The following E2F3 variants were observed in gnomAD, a reference collection of about 807,000 sequenced individuals.
E2F3 encodes the protein transcription factor E2F3.
A neutral mutation model predicts 44.4 loss-of-function variants in E2F3; 11 were observed. That is an observed-to-expected ratio of 0.25 (90% CI 0.16 to 0.41). The LOEUF is 0.41. Ranked by LOEUF, E2F3 falls within the 10% of genes least tolerant of loss-of-function variation. The pLI is 1.00. For synonymous variants in E2F3, 249 were observed against 253.0 expected, an observed-to-expected ratio of 0.98 and a Z score of 0.15; for missense variants, 487 against 583.6, an observed-to-expected ratio of 0.83 and a Z score of 1.70.
At chr6:20,408,500 T>C (rs1232653903) in intron 1 of E2F3, among the ~76,000 whole-genome samples, 1 of 152,252 alleles carries the variant, frequency 6.6e-6, no homozygotes, top group Non-Finnish European at 1.5e-5. Context: ...GTCAGTCTTA[T>C]GGCCACCATA....
chr6:20,463,375 C>A (rs570374302), intron 1 of E2F3, among the ~76,000 whole-genome samples: 1 of 152,088 alleles, frequency 6.6e-6, no homozygotes, highest in Non-Finnish European at 1.5e-5. Context: ...ATAGTGAAGT[C>A]CCCTATCTGT....
At chr6:20,463,611 T>C (rs1761600149) in intron 1 of E2F3, among the ~76,000 whole-genome samples, 1 of 152,190 alleles carries the variant, frequency 6.6e-6, no homozygotes. Context: ...AGGTTTTCGC[T>C]GGGTATGTCT....
intron 1 of E2F3, among the ~76,000 whole-genome samples, chr6:20,426,715 T>C: frequency 6.6e-6 from 1 of 152,236 alleles, no homozygotes; most frequent in South Asian, 2.1e-4. Context: ...CTTTCCCTCA[T>C]GCCCAGGGCT....
At chr6:20,449,969 C>T (rs1581614653) in intron 1 of E2F3, among the ~76,000 whole-genome samples, 1 of 152,158 alleles carries the variant, frequency 6.6e-6, no homozygotes, top group South Asian at 2.1e-4. Flanking sequence ...TTTATGGCTG[C>T]ATAGTATTCC....
intron 1 of E2F3, among the ~76,000 whole-genome samples, chr6:20,432,058 G>A (rs1167743054): frequency 6.6e-6 from 1 of 152,188 alleles, no homozygotes; most frequent in African/African-American, 2.4e-5. Context: ...CTCTTTAAAG[G>A]TTCATTCTCC....
chr6:20,440,649 T>G (rs1713112704), intron 1 of E2F3, among the ~76,000 whole-genome samples: 1 of 152,194 alleles, frequency 6.6e-6, no homozygotes, highest in Non-Finnish European at 1.5e-5. Flanking sequence ...TCCATAATGA[T>G]CTGAAGTGTT....
At chr6:20,466,122 C>A (rs563714920) in intron 1 of E2F3, among the ~76,000 whole-genome samples, 1 of 40,232 alleles carries the variant, frequency 2.5e-5, no homozygotes, top group Non-Finnish European at 5.1e-5. Flanking sequence ...GGGTGCGGGG[C>A]GGGGGGTGTG....
At chr6:20,449,352 A>C (rs1032944862) in intron 1 of E2F3, among the ~76,000 whole-genome samples, 2 of 152,110 alleles carry the variant, frequency 1.3e-5, no homozygotes, top group Non-Finnish European at 2.9e-5. Context: ...CAAATCTTTA[A>C]ATTTTTAAAT....
In E2F3 at chr6:20,401,991, C is replaced by T. The variant is rs998832509; in HGVS notation, c.-242C>T. On this transcript the variant is annotated 5_prime_UTR_variant, in exon 1 of 7. Coordinates refer to ENST00000346618, the MANE Select transcript of E2F3 (RefSeq NM_001949.5). ...CATCGGCCGCCCCCGACGCCTCCATCCCCGCTTGGGGCCCGATATCCGTGC... is the reference window on the plus strand; with the variant it reads ...CATCGGCCGCCCCCGACGCCTCCATTCCCGCTTGGGGCCCGATATCCGTGC... 1.0e-5 allele frequency: 6 copies of T among 589,940 alleles called. No homozygotes were observed. The highest frequency in any genetic ancestry group is 4.3e-5 in the Admixed American group (1 of 23,326). The allele number at this position is 589,940 out of a possible 1,614,324, so 36.5% of individuals were successfully genotyped here.
rs149773947 is a variant in E2F3, at chr6:20,492,774, G to C, written c.*2344G>C. On this transcript the variant is annotated 3_prime_UTR_variant, in exon 7 of 7. Coordinates refer to ENST00000346618, the MANE Select transcript of E2F3 (RefSeq NM_001949.5). ...TTTCCAGTTACTGGGTTTAACTGGT[G>C]TACATTAATTAGATGTCCATACTGT... is the stretch of plus-strand genomic sequence containing the variant. The C allele has an allele frequency of 4.8e-5, 11 of 229,648 alleles. No individual in the cohort carries two copies. Among genetic ancestry groups the C allele is most frequent in the Non-Finnish European group, 7.8e-5 (9 of 115,700 alleles). 14.2% of individuals were successfully genotyped at this position (229,648 alleles called of 1,614,324 possible).
chr6:20,429,331 T>G (rs2127592594), intron 1 of E2F3, among the ~76,000 whole-genome samples: 1 of 152,304 alleles, frequency 6.6e-6, no homozygotes, highest in East Asian at 1.9e-4. Context: ...CATGAAAAAT[T>G]CCAGAAATAA....
chr6:20,417,184 C>T (rs563863438), intron 1 of E2F3, among the ~76,000 whole-genome samples: 28 of 152,260 alleles, frequency 1.8e-4, no homozygotes, highest in African/African-American at 6.0e-4. Context: ...AATGGTAGCT[C>T]TCCTTTGTAT....
chr6:20,416,363 C>T (rs1759845171), intron 1 of E2F3, among the ~76,000 whole-genome samples: 1 of 152,160 alleles, frequency 6.6e-6, no homozygotes, highest in Non-Finnish European at 1.5e-5. Context: ...CTAGCATATG[C>T]CAGCCACCAT....
chr6:20,424,383 ATGTGTGTGTGTGTGTG>A (rs57510288), intron 1 of E2F3, among the ~76,000 whole-genome samples: 1 of 146,938 alleles, frequency 6.8e-6, no homozygotes, highest in Non-Finnish European at 1.5e-5. Flanking sequence ...GAGTGTGTGT[ATGTGTGTGTGTGTGTG>A]TGTGTGTGTG....
At chr6:20,478,032 A>C (rs1762103072) in intron 1 of E2F3, among the ~76,000 whole-genome samples, 1 of 117,122 alleles carries the variant, frequency 8.5e-6, no homozygotes, top group African/African-American at 7.6e-5. Flanking sequence ...TCTCTACCCA[A>C]AAAAAAAAAA....
intron 1 of E2F3, among the ~76,000 whole-genome samples, chr6:20,478,831 T>C (rs1762129555): frequency 6.6e-6 from 1 of 152,056 alleles, no homozygotes; most frequent in African/African-American, 2.4e-5. Context: ...ACTGCAAATC[T>C]CCTCATTAGA....
intron 1 of E2F3, among the ~76,000 whole-genome samples, chr6:20,457,774 C>T (rs1038500511): frequency 6.6e-6 from 1 of 152,082 alleles, no homozygotes; most frequent in African/African-American, 2.4e-5. Flanking sequence ...TGATAGACGT[C>T]ATAGTTTGTT....
At chr6:20,417,267 G>A (rs1421854962) in intron 1 of E2F3, among the ~76,000 whole-genome samples, 1 of 152,176 alleles carries the variant, frequency 6.6e-6, no homozygotes, top group South Asian at 2.1e-4. Flanking sequence ...AGTGTCCAGT[G>A]TGGAGCTGGG....
At chr6:20,424,249 G>T (rs918156411) in intron 1 of E2F3, among the ~76,000 whole-genome samples, 1 of 145,826 alleles carries the variant, frequency 6.9e-6, no homozygotes, top group Non-Finnish European at 1.5e-5. Flanking sequence ...GTGTGTGTGT[G>T]TTTTAAAGGT....
Sources: allele counts gnomAD v4.1 joint callset (sites outside exome capture counted in the v4.1 genomes callset), GRCh38; gene constraint gnomAD v4.1.1; transcripts MANE v1.5; gene names NCBI Gene and HGNC (gene_info 2026-07-23, HGNC 2026-07-21).